The following GTF2A1 variants were observed in gnomAD, a reference collection of about 807,000 sequenced individuals.
GTF2A1 encodes the protein transcription initiation factor IIA subunit 1.
GTF2A1 carries 12 observed loss-of-function variants against 54.1 expected under a neutral mutation model. The observed-to-expected ratio is 0.22, with a 90% CI of 0.14 to 0.36. The LOEUF (loss-of-function observed/expected upper bound fraction) is 0.36. GTF2A1 is among the 10% of genes least tolerant of loss of function. The pLI is 1.00. For synonymous variants in GTF2A1, 145 were observed against 152.0 expected (o/e 0.95, Z 0.34); for missense variants, 335 against 442.2 (o/e 0.76, Z 2.17).
intron 6 of GTF2A1, among the ~76,000 whole-genome samples, chr14:81,193,574 G>A (rs1301003230): frequency 6.6e-6 from 1 of 152,130 alleles, no homozygotes; most frequent in Non-Finnish European, 1.5e-5. Context: ...TCTCAATCCT[G>A]GCTGCAAATA....
intron 3 of GTF2A1, 52 bp from the exon 4 acceptor site, chr14:81,201,710 A>T: frequency 8.2e-7 from 1 of 1,212,386 alleles, no homozygotes; most frequent in Non-Finnish European, 1.2e-6. Flanking sequence ...GCTATTTTAT[A>T]ATCACAAGAA....
chr14:81,177,413 C>T lies in GTF2A1; in HGVS notation c.*2810G>A, dbSNP rs1413316525. The T allele has an allele frequency of 1.3e-5, 2 of 152,140 alleles. No homozygotes were observed. The highest frequency in any genetic ancestry group is 2.4e-5 in the African/African-American group (1 of 41,454). 9.4% of individuals were successfully genotyped at this position (152,140 alleles called of 1,614,324 possible). A position where few individuals can be genotyped will look rare whatever the true frequency, so the allele number is the denominator to read the frequency against. On this transcript the variant is annotated 3_prime_UTR_variant, in exon 9 of 9. Transcript: ENST00000553612. Reference sequence around the variant, plus strand: ...TGGCACTCCACAGAAATTAAACATGCTCTCAGGCATTCAAATGGTCTGATT... The same window carrying T: ...TGGCACTCCACAGAAATTAAACATGTTCTCAGGCATTCAAATGGTCTGATT...
rs185605149 is a variant in GTF2A1 at position 81,200,420 on chromosome 14, T to G, written c.402+1174A>C. Among the ~76,000 whole-genome samples, 92 of 152,168 alleles carry G rather than the reference T, an allele frequency of 6.0e-4. 2 individuals are homozygous for G. The Middle Eastern group carries it at 0.01, about 17-fold the overall frequency. On this transcript the variant is annotated intron_variant, in intron 4 of 8. Coordinates refer to ENST00000553612, the MANE Select transcript of GTF2A1 (RefSeq NM_015859.4). ...GGGCAGATCGCTTGAGGTGAGGAGTTGGGCGACCAGCCTGGCCAACATGGT... is the reference window on the plus strand; with the variant it reads ...GGGCAGATCGCTTGAGGTGAGGAGTGGGGCGACCAGCCTGGCCAACATGGT...
chr14:81,190,613 A>C, intron 7 of GTF2A1, among the ~76,000 whole-genome samples: 1 of 152,160 alleles, frequency 6.6e-6, no homozygotes, highest in East Asian at 1.9e-4. Flanking sequence ...TTTAAAAAAC[A>C]AAGCAATGCA....
At chr14:81,208,594 C>G (rs1487554787) in intron 2 of GTF2A1, among the ~76,000 whole-genome samples, 1 of 152,148 alleles carries the variant, frequency 6.6e-6, no homozygotes, top group Non-Finnish European at 1.5e-5. Flanking sequence ...GCAGACCCAC[C>G]AACAGCTTGC....
intron 4 of GTF2A1, among the ~76,000 whole-genome samples, chr14:81,199,082 T>C (rs1171719111): frequency 1.3e-5 from 2 of 152,090 alleles, no homozygotes; most frequent in African/African-American, 2.4e-5. Context: ...TTAAGGAAAA[T>C]ATTAACCACC....
At chr14:81,188,866 T>C (rs1267599657) in intron 7 of GTF2A1, among the ~76,000 whole-genome samples, 2 of 152,206 alleles carry the variant, frequency 1.3e-5, no homozygotes, top group Admixed American at 6.5e-5. Flanking sequence ...CTCTTAGATG[T>C]AGGTCCCTAA....
chr14:81,213,498 C>A (rs938594931), intron 2 of GTF2A1, among the ~76,000 whole-genome samples: 1 of 152,102 alleles, frequency 6.6e-6, no homozygotes, highest in Non-Finnish European at 1.5e-5. Flanking sequence ...TTTTCTACAC[C>A]TAAAAATGCT....
intron 2 of GTF2A1, chr14:81,210,073 A>C: frequency 2.8e-6 from 1 of 358,622 alleles, no homozygotes. Flanking sequence ...GAATTGCAAC[A>C]TTCCTGGCTC....
chr14:81,203,655 T>C (rs1893162509), intron 3 of GTF2A1, among the ~76,000 whole-genome samples: 1 of 152,206 alleles, frequency 6.6e-6, no homozygotes, highest in Non-Finnish European at 1.5e-5. Flanking sequence ...GTAAATTACT[T>C]GTCTACCATT....
intron 8 of GTF2A1, among the ~76,000 whole-genome samples, chr14:81,183,027 G>A (rs1024600838): frequency 4.6e-5 from 7 of 152,120 alleles, no homozygotes; most frequent in South Asian, 2.1e-4. Flanking sequence ...TTTCCATACC[G>A]ACTATCAGCT....
rs1892507876 is a variant in GTF2A1, at chr14:81,175,554, G to A, written c.*4669C>T. The A allele has an allele frequency of 6.6e-6, 1 of 152,026 alleles. No homozygotes were observed. Among genetic ancestry groups the A allele is most frequent in the Admixed American group, 6.6e-5 (1 of 15,246 alleles). The allele number at this position is 152,026 out of a possible 1,614,324, so 9.4% of individuals were successfully genotyped here. On this transcript the variant is annotated 3_prime_UTR_variant, in exon 9 of 9. Transcript: ENST00000553612. ...TAACAGGATAAAAAAATACAAAAAG[G>A]CGAGCTTCTTAATGATTCAGCTGAA...
At chr14:81,196,754 C>T (rs1007425317) in intron 5 of GTF2A1, among the ~76,000 whole-genome samples, 1 of 152,080 alleles carries the variant, frequency 6.6e-6, no homozygotes, top group African/African-American at 2.4e-5. Context: ...ATCAAATTCC[C>T]CCAATATGTT....
intron 3 of GTF2A1, 148 bp downstream of exon 3, chr14:81,203,752 C>T (rs1230584130): frequency 9.4e-6 from 6 of 641,400 alleles, no homozygotes; most frequent in South Asian, 5.8e-5. Flanking sequence ...GGAAAAAGCC[C>T]GAAATCAACA....
intron 2 of GTF2A1, among the ~76,000 whole-genome samples, chr14:81,211,620 C>T (rs1893365504): frequency 6.6e-6 from 1 of 151,982 alleles, no homozygotes; most frequent in South Asian, 2.1e-4. Context: ...CAGAGACCTT[C>T]ACTGCAGCCC....
At position 81,179,027 on chromosome 14, in the gene GTF2A1, A is replaced by G. The variant is rs1359871694; in HGVS notation, c.*1196T>C. ...TCTATGCTTTCTTCCCAATGTGCAA[A>G]CTGGAGCCAACGTCTTTATTTTCAA... On this transcript the variant is annotated 3_prime_UTR_variant, in exon 9 of 9. Coordinates refer to ENST00000553612, the MANE Select transcript of GTF2A1 (RefSeq NM_015859.4). 1 of 152,204 alleles carries G rather than the reference A, an allele frequency of 6.6e-6. No homozygotes were observed. The highest frequency in any genetic ancestry group is 1.5e-5 in the Non-Finnish European group (1 of 68,038). 9.4% of individuals were successfully genotyped at this position (152,204 alleles called of 1,614,324 possible).
chr14:81,215,069 G>T (rs565576632), intron 2 of GTF2A1, among the ~76,000 whole-genome samples: 2 of 152,242 alleles, frequency 1.3e-5, no homozygotes, highest in African/African-American at 4.8e-5. Flanking sequence ...AATTTATCTT[G>T]CATTTTGAAT....
chr14:81,190,070 A>ATT, intron 7 of GTF2A1, among the ~76,000 whole-genome samples: 5 of 152,140 alleles, frequency 3.3e-5, no homozygotes, highest in Non-Finnish European at 7.4e-5. Flanking sequence ...CTGGCATCAA[A>ATT]AAGACAATAT....
intron 5 of GTF2A1, 86 bp downstream of exon 5, chr14:81,197,323 T>C: frequency 1.5e-6 from 1 of 687,090 alleles, no homozygotes; most frequent in Non-Finnish European, 2.5e-6. Flanking sequence ...TAGTATTTTC[T>C]GTCTTTCAAA....
Sources: gnomAD v4.1 joint callset for allele counts (sites outside exome capture counted in the v4.1 genomes callset) on GRCh38, gnomAD v4.1.1 for gene constraint, MANE v1.5 for transcripts, NCBI Gene and HGNC (gene_info 2026-07-23, HGNC 2026-07-21) for gene names.